Variants in TFDP1 observed in about 807,000 individuals in gnomAD.
The protein encoded by TFDP1 is DRTF1-polypeptide 1.
A neutral mutation model predicts 48.0 loss-of-function variants in TFDP1; 6 were observed. That is an observed-to-expected ratio of 0.13 (90% CI 0.07 to 0.25). TFDP1 has a LOEUF of 0.25. TFDP1 is among the 10% of genes least tolerant of loss of function. The pLI is 1.00. For synonymous variants in TFDP1, 201 were observed against 211.6 expected (o/e 0.95, Z 0.44); for missense variants, 335 against 543.0 (o/e 0.62, Z 3.81).
At position 113,623,946 on chromosome 13, in the gene TFDP1, C is replaced by T. The variant is rs2049056981; in HGVS notation, c.186+660C>T. 6.6e-6 allele frequency among the ~76,000 whole-genome samples: 1 copy of T among 152,202 alleles called. No individual in the cohort carries two copies. The highest frequency in any genetic ancestry group is 2.4e-5 in the African/African-American group (1 of 41,448). ...AGCCCACACAGAATCCTGACCTCACCAGAAATGGGGCCCCAGGCACTTGGT... is the reference window on the plus strand; with the variant it reads ...AGCCCACACAGAATCCTGACCTCACTAGAAATGGGGCCCCAGGCACTTGGT... On this transcript the variant is annotated intron_variant, in intron 4 of 11. Transcript: ENST00000375370. The surrounding 1 kb of genome is among the most constrained non-coding windows in gnomAD (Gnocchi z 5.2).
At chr13:113,636,999 G>A (rs1192022772) in intron 10 of TFDP1, among the ~76,000 whole-genome samples, 1 of 152,196 alleles carries the variant, frequency 6.6e-6, no homozygotes, top group Non-Finnish European at 1.5e-5. Context: ...CTCCAAGTAG[G>A]CCCAGAAGTA....
chr13:113,611,203 G>A (rs1391965571), intron 3 of TFDP1, 141 bp downstream of exon 3: 5 of 756,742 alleles, frequency 6.6e-6, no homozygotes, highest in Admixed American at 4.9e-5. Context: ...GAACCCAGGA[G>A]GGTGGGCGTA....
intron 3 of TFDP1, among the ~76,000 whole-genome samples, chr13:113,619,960 C>A (rs1385360680): frequency 6.6e-6 from 1 of 152,210 alleles, no homozygotes; most frequent in East Asian, 1.9e-4. Context: ...GCTCAGGGGC[C>A]CTGGATGTCT....
In TFDP1 at chr13:113,609,336, C is replaced by T. The variant is rs530308388; in HGVS notation, c.13-1660C>T. On this transcript the variant is annotated intron_variant, in intron 2 of 11. Coordinates refer to ENST00000375370, the MANE Select transcript of TFDP1 (RefSeq NM_007111.5). ...GCAGGTGGTCAATGGGACATCCACC[C>T]ACCTCCCAGCAAGTCCCACAGCCAG... 1.2e-4 allele frequency among the ~76,000 whole-genome samples: 19 copies of T among 152,294 alleles called. No individual in the cohort carries two copies. The East Asian group carries it at 3.1e-3, about 25-fold the overall frequency.
chr13:113,619,294 G>A (rs369909361), intron 3 of TFDP1, among the ~76,000 whole-genome samples: 44 of 152,190 alleles, frequency 2.9e-4, no homozygotes, highest in African/African-American at 1.0e-3. Flanking sequence ...CCAACATGGT[G>A]AAACCCTTCT....
rs1372644999 is a variant in TFDP1, at chr13:113,641,324, G to A, written c.*1057G>A. ...ATTAACTGCACAGTTGCTATTAGCT[G>A]CCTGTTCTAAAACGATAGTCTTTTT... On this transcript the variant is annotated 3_prime_UTR_variant, in exon 12 of 12. Transcript: ENST00000375370. 1 of 152,190 alleles carries A rather than the reference G, an allele frequency of 6.6e-6. No homozygotes were observed. The highest frequency in any genetic ancestry group is 2.1e-4 in the South Asian group (1 of 4,828). The allele number at this position is 152,190 out of a possible 1,614,324, so 9.4% of individuals were successfully genotyped here.
intron 2 of TFDP1, among the ~76,000 whole-genome samples, chr13:113,610,201 C>T (rs2048673396): frequency 6.6e-6 from 1 of 151,536 alleles, no homozygotes; most frequent in African/African-American, 2.4e-5. Context: ...TGTGGCTGTA[C>T]CGTTATGCGT....
intron 1 of TFDP1, 42 bp downstream of exon 1, chr13:113,584,930 GCCGGGGGTGCGGGCGGGAC>G (rs1159127132): frequency 6.8e-6 from 1 of 146,352 alleles, no homozygotes; most frequent in Non-Finnish European, 1.5e-5. Flanking sequence ...GCGGGCGGGA[GCCGGGGGTGCGGGCGGGAC>G]CCCCGGCCAC....
intron 3 of TFDP1, among the ~76,000 whole-genome samples, chr13:113,620,597 A>C (rs1289732858): frequency 6.6e-6 from 1 of 152,214 alleles, no homozygotes; most frequent in Non-Finnish European, 1.5e-5. Context: ...TGCATAGTAG[A>C]ATATTATTTT....
intron 2 of TFDP1, among the ~76,000 whole-genome samples, chr13:113,602,970 TAAA>T (rs113416797): frequency 3.0e-5 from 2 of 67,210 alleles, no homozygotes; most frequent in Admixed American, 1.5e-4. Flanking sequence ...ATAGTTGAGC[TAAA>T]AAAAAAAAAA....
At chr13:113,604,241 A>G (rs1184862030) in intron 2 of TFDP1, among the ~76,000 whole-genome samples, 2 of 151,654 alleles carry the variant, frequency 1.3e-5, no homozygotes, top group Non-Finnish European at 2.9e-5. Flanking sequence ...GTCACAGCCC[A>G]CAAGAAATGC....
intron 4 of TFDP1, among the ~76,000 whole-genome samples, chr13:113,630,946 C>T (rs953870475): frequency 1.2e-4 from 19 of 152,276 alleles, no homozygotes; most frequent in African/African-American, 4.1e-4. Context: ...GCCCCAGGGG[C>T]GTGTGGAGCC....
intron 2 of TFDP1, among the ~76,000 whole-genome samples, chr13:113,590,023 C>T (rs1007199848): frequency 4.6e-5 from 7 of 152,238 alleles, no homozygotes; most frequent in Admixed American, 3.3e-4. Flanking sequence ...TGCTGTAAGA[C>T]TTCGGGATGT....
rs2048770411 is a variant in TFDP1, at chr13:113,613,674, T to C, written c.79+2612T>C. ...GTGAATGCGTGGGTATGAGTGTGTG[T>C]GTGCATGAGTGTGTGTGTGTATGCG... On this transcript the variant is annotated intron_variant, in intron 3 of 11. Transcript: ENST00000375370. Among the ~76,000 whole-genome samples, 2 of 150,298 alleles carry C rather than the reference T, an allele frequency of 1.3e-5. 1 individual carries two copies. Among genetic ancestry groups the C allele is most frequent in the South Asian group, 4.2e-4 (2 of 4,770 alleles).
intron 2 of TFDP1, among the ~76,000 whole-genome samples, chr13:113,609,382 G>C (rs11839469): frequency 0.051 from 7,742 of 152,004 alleles, 525 homozygotes; most frequent in African/African-American, 0.16. Flanking sequence ...GTGCCTGCTG[G>C]ACAGCTAGAC....
intron 1 of TFDP1, 146 bp from the exon 2 acceptor site, chr13:113,585,628 C>T (rs2047983372): frequency 4.1e-6 from 2 of 486,176 alleles, no homozygotes; most frequent in African/African-American, 3.9e-5. Context: ...GTGTGGGAGT[C>T]GGTTTGGCCA....
At chr13:113,593,049 A>C (rs2048184806) in intron 2 of TFDP1, among the ~76,000 whole-genome samples, 1 of 146,044 alleles carries the variant, frequency 6.8e-6, no homozygotes, top group Admixed American at 6.8e-5. Flanking sequence ...GTGGGTCCTC[A>C]GCCCTGCCCA....
intron 3 of TFDP1, among the ~76,000 whole-genome samples, chr13:113,618,678 C>T (rs553766650): frequency 3.3e-5 from 5 of 152,328 alleles, no homozygotes; most frequent in South Asian, 2.1e-4. Flanking sequence ...CGCTGGGACC[C>T]GGGCTTCCCT....
chr13:113,623,423 A>AAAG lies in TFDP1; in HGVS notation c.186+137_186+138insAAG. The AAAG allele has an allele frequency of 1.3e-6, 1 of 791,322 alleles. No homozygotes were observed. The highest frequency in any genetic ancestry group is 2.0e-6 in the Non-Finnish European group (1 of 497,594). The allele number at this position is 791,322 out of a possible 1,614,324, so 49.0% of individuals were successfully genotyped here. ...GCATGGGGCCTTTCCCTCATCAGGG[A>AAAG]GCCCGTGGCCAGTGCTAGATTTTCC... On this transcript the variant is annotated intron_variant, in intron 4 of 11. Coordinates refer to ENST00000375370, the MANE Select transcript of TFDP1 (RefSeq NM_007111.5). This position sits in a 1 kb window ranked among gnomAD's most constrained non-coding sequence, Gnocchi z 5.2.
Sources: gnomAD v4.1 joint callset for allele counts (sites outside exome capture counted in the v4.1 genomes callset) on GRCh38, gnomAD v4.1.1 for gene constraint, Gnocchi (gnomAD v3.1) non-coding constraint, MANE v1.5 for transcripts, NCBI Gene and HGNC (gene_info 2026-07-23, HGNC 2026-07-21) for gene names.